The following RTN2 variants were observed in gnomAD, a reference collection of about 807,000 sequenced individuals.
RTN2 encodes the protein reticulon 2.
In RTN2, 36 loss-of-function variants were observed where a neutral mutation model predicts 63.7. The ratio of observed to expected loss-of-function variants is 0.56; its 90% CI spans 0.43 to 0.75. The LOEUF is 0.75. RTN2 is among the 30% of genes least tolerant of loss of function. The probability of loss-of-function intolerance (pLI) is 0.00; values close to 1 mark genes in which losing one functional copy is unlikely to be tolerated. For missense variants in RTN2, 673 were observed against 705.1 expected (o/e 0.95, Z 0.52); for synonymous variants, 312 against 313.0 (o/e 1.00, Z 0.03).
chr19:45,488,702 G>A lies in RTN2; in HGVS notation c.1385C>T (p.Ala462Val), dbSNP rs1968082320. The A allele has an allele frequency of 1.2e-6, 2 of 1,613,242 alleles. No individual in the cohort carries two copies. The highest frequency in any genetic ancestry group is 1.1e-5 in the South Asian group (1 of 90,938). ...GAAGGTCAAGATGTAGAAGAGGAGG[G>A]CCAGCTGGGGGTGAAGGTCAGGGTC... is the stretch of plus-strand genomic sequence containing the variant. ...VEDLVDSLKL[A>V]LLFYILTFVG... Residue 462 changes from alanine to valine, a missense_variant, in exon 8 of 11, where the codon GCC becomes GTC. Transcript: ENST00000245923.
intron 9 of RTN2, among the ~76,000 whole-genome samples, chr19:45,488,193 C>T (rs370231535): frequency 1.3e-5 from 2 of 152,192 alleles, no homozygotes; most frequent in Admixed American, 6.5e-5. Flanking sequence ...ACGGAGGTTG[C>T]AGTGAGCCGA....
chr19:45,496,552 GCAGCGCGCCCCCCGCCTGCTGTCT>G lies in RTN2; in HGVS notation c.34+216_34+239del, dbSNP rs533130334. 2.0e-3 allele frequency: 726 copies of G among 364,170 alleles called. 2 individuals carry two copies. The highest frequency in any genetic ancestry group is 0.014 in the African/African-American group (672 of 47,536). 22.6% of individuals were successfully genotyped at this position (364,170 alleles called of 1,614,324 possible). ...GGGGCCGGGCGGTACGTCCCAGAGCGCAGCGCGCCCCCCGCCTGCTGTCTCAGTGCCCCCTCACCTCCGCCCTGT... is the reference window on the plus strand; with the variant it reads ...GGGGCCGGGCGGTACGTCCCAGAGCGCAGTGCCCCCTCACCTCCGCCCTGT... On this transcript the variant is annotated intron_variant, in intron 1 of 10. Coordinates refer to ENST00000245923, the MANE Select transcript of RTN2 (RefSeq NM_005619.5).
chr19:45,493,441 TC>T, intron 4 of RTN2, 63 bp from the exon 5 acceptor site: 2 of 1,220,990 alleles, frequency 1.6e-6, no homozygotes, highest in Non-Finnish European at 2.4e-6. Flanking sequence ...ATAGATGTGG[TC>T]AGGAAAAAGA....
chr19:45,485,901 C>T, intron 10 of RTN2, 112 bp from the exon 11 acceptor site: 1 of 1,160,286 alleles, frequency 8.6e-7, no homozygotes, highest in Non-Finnish European at 1.3e-6. Flanking sequence ...AAGCCAGCTC[C>T]TGCCCTCCAC....
rs561232438 is a variant in RTN2 at position 45,494,549 on chromosome 19, A to G, written c.536T>C (p.Leu179Ser). ...ACCTTCCCCAGCTTCTCCTGTCTCC[A>G]ATCTGTTGGGTTCTTGGGGTTCTTC... ...EDEEPQEPNR[L>S]ETGEAGEELD... Residue 179 changes from leucine to serine, a missense_variant, in exon 3 of 11, where the codon TTG (leucine) becomes TCG (serine). Leu to Ser is a moderately radical substitution (Grantham distance 145). Coordinates refer to ENST00000245923, the MANE Select transcript of RTN2 (RefSeq NM_005619.5). The surrounding 1 kb of genome is among the most constrained non-coding windows in gnomAD (Gnocchi z 5.3). 1.5e-5 allele frequency: 24 copies of G among 1,613,792 alleles called. No individual in the cohort carries two copies. The South Asian group carries it at 2.3e-4, about 16-fold the overall frequency.
intron 10 of RTN2, 56 bp from the exon 11 acceptor site, chr19:45,485,845 C>A: frequency 7.0e-7 from 1 of 1,422,942 alleles, no homozygotes; most frequent in Non-Finnish European, 9.9e-7. Context: ...GGGTGGGCAT[C>A]TGGGGACAAC....
rs1355446469 is a variant in RTN2 at position 45,494,018 on chromosome 19, A to G, written c.814+148T>C. 1 of 1,296,398 alleles carries G rather than the reference A, an allele frequency of 7.7e-7. No homozygotes were observed. Among genetic ancestry groups the G allele is most frequent in the Non-Finnish European group, 1.1e-6 (1 of 951,628 alleles). 80.3% of individuals were successfully genotyped at this position (1,296,398 alleles called of 1,614,324 possible). A position where few individuals can be genotyped will look rare whatever the true frequency, so the allele number is the denominator to read the frequency against. Reference sequence around the variant, plus strand: ...GAAATTTTTTTAAAAAGCGGAGTTTATCACGTCTAGCCAGATGTGATATCA... The same window carrying G: ...GAAATTTTTTTAAAAAGCGGAGTTTGTCACGTCTAGCCAGATGTGATATCA... On this transcript the variant is annotated intron_variant, in intron 4 of 10. Transcript: ENST00000245923. This position sits in a 1 kb window ranked among gnomAD's most constrained non-coding sequence, Gnocchi z 5.3.
intron 5 of RTN2, 142 bp downstream of exon 5, chr19:45,493,018 C>T (rs1314319484): frequency 3.5e-6 from 3 of 865,554 alleles, no homozygotes; most frequent in South Asian, 1.4e-5. Context: ...CCCTATACTG[C>T]CCCTCGGCCC....
Position 45,494,636 on chromosome 19 carries a change from AC to A in RTN2, c.448del (p.Val150TrpfsTer54). ...CTCCCCGGATCCCGTTCCCCGGGCC[AC>A]CCAGCCCAGATGGTCCAACCGAAGC... Reference protein sequence around the residue: ...LRLRLDHLGWVARGTGSGEDS... With the variant: ...LRLRLDHLGWXARGTGSGEDS... On this transcript the variant is annotated frameshift_variant, in exon 3 of 11. Coordinates refer to ENST00000245923, the MANE Select transcript of RTN2 (RefSeq NM_005619.5). LOFTEE classifies it high-confidence loss of function. The surrounding 1 kb of genome is among the most constrained non-coding windows in gnomAD (Gnocchi z 5.3). 6.2e-7 allele frequency: 1 copy of A among 1,613,844 alleles called. No individual in the cohort carries two copies. The highest frequency in any genetic ancestry group is 8.5e-7 in the Non-Finnish European group (1 of 1,180,006).
chr19:45,490,479 G>C (rs1968130930), intron 5 of RTN2, among the ~76,000 whole-genome samples: 1 of 151,996 alleles, frequency 6.6e-6, no homozygotes, highest in Non-Finnish European at 1.5e-5. Flanking sequence ...CTCCTGGAGT[G>C]ACTATTTCTG....
intron 9 of RTN2, among the ~76,000 whole-genome samples, chr19:45,486,711 CT>C (rs66484630): frequency 0.38 from 48,651 of 126,542 alleles, 9,627 homozygotes; most frequent in East Asian, 0.66. Context: ...TTTTCTTGTT[CT>C]TTTTTTTTTC....
chr19:45,492,979 G>T (rs1342120939), intron 5 of RTN2, among the ~76,000 whole-genome samples, 181 bp downstream of exon 5: 2 of 152,218 alleles, frequency 1.3e-5, no homozygotes, highest in Non-Finnish European at 2.9e-5. Context: ...GCTCGAAGGA[G>T]AAGGGACCCC....
At position 45,487,589 on chromosome 19, in the gene RTN2, T is replaced by G. The variant is rs980195395; in HGVS notation, c.1497+882A>C. 1.7e-4 allele frequency among the ~76,000 whole-genome samples: 25 copies of G among 143,718 alleles called. 1 individual carries two copies. The highest frequency in any genetic ancestry group is 3.4e-3 in the Middle Eastern group (1 of 292). 94.3% of individuals were successfully genotyped at this position (143,718 alleles called of 152,430 possible). ...TTTTATTTTTTATTTTTTGGTTTTT[T>G]TTTTTTTTTTTTTTGAGACAGACTC... is the stretch of plus-strand genomic sequence containing the variant. On this transcript the variant is annotated intron_variant, in intron 9 of 10. Transcript: ENST00000245923.
rs774021825 is a variant in RTN2, at chr19:45,485,406, G to C, written c.*302C>G. The C allele has an allele frequency of 1.9e-4, 78 of 412,678 alleles. No homozygotes were observed. Among genetic ancestry groups the C allele is most frequent in the African/African-American group, 1.4e-3 (71 of 50,470 alleles). 25.6% of individuals were successfully genotyped at this position (412,678 alleles called of 1,614,324 possible). On this transcript the variant is annotated 3_prime_UTR_variant, in exon 11 of 11. Transcript: ENST00000245923. ...CATCCAGGAGACACCAACGCCTCAC[G>C]GCGCCTCCAGCGGCGGGTCCGGAAG...
Position 45,496,990 on chromosome 19 carries a change from GCC to G in RTN2, c.-167_-166del. 1 of 323,708 alleles carries G rather than the reference GCC, an allele frequency of 3.1e-6. No homozygotes were observed. Among genetic ancestry groups the G allele is most frequent in the Non-Finnish European group, 5.3e-6 (1 of 188,316 alleles). The allele number at this position is 323,708 out of a possible 1,614,324, so 20.1% of individuals were successfully genotyped here. A position where few individuals can be genotyped will look rare whatever the true frequency, so the allele number is the denominator to read the frequency against. ...CGCCGCCGCCGCCGCCGCCGCCGCCGCCGCCCTGGTGCTCGGCTCGGCGGGGG... is the reference window on the plus strand; with the variant it reads ...CGCCGCCGCCGCCGCCGCCGCCGCCGGCCCTGGTGCTCGGCTCGGCGGGGG... On this transcript the variant is annotated 5_prime_UTR_variant, in exon 1 of 11. Transcript: ENST00000245923.
intron 9 of RTN2, 47 bp downstream of exon 9, chr19:45,488,424 C>A (rs1025621461): frequency 2.5e-6 from 4 of 1,592,190 alleles, no homozygotes; most frequent in Non-Finnish European, 3.4e-6. Flanking sequence ...GATGGTCAGA[C>A]CCCCATGTTT....
intron 9 of RTN2, among the ~76,000 whole-genome samples, chr19:45,487,936 C>T (rs1456210355): frequency 7.5e-6 from 1 of 132,926 alleles, no homozygotes; most frequent in Admixed American, 8.0e-5. Context: ...GAGCGAGACT[C>T]CATCTCAAAA....
intron 5 of RTN2, among the ~76,000 whole-genome samples, chr19:45,491,710 T>G (rs1247354465): frequency 6.6e-6 from 1 of 151,978 alleles, no homozygotes. Context: ...TTTTTGTATT[T>G]TAGTAGAGAC....
Position 45,494,461 on chromosome 19 carries a change from G to A in RTN2, c.560-41C>T, listed in dbSNP as rs772783579. On this transcript the variant is annotated intron_variant, in intron 3 of 10. Transcript: ENST00000245923. This position sits in a 1 kb window ranked among gnomAD's most constrained non-coding sequence, Gnocchi z 5.3. The stretch of plus-strand genomic sequence containing the variant: ...GAGGAGGCCGTGAGCTTTCTTCTTG[G>A]AGGTGCCCCAAGGAGAAACCACCCA... 1.2e-6 allele frequency: 2 copies of A among 1,603,550 alleles called. No individual in the cohort carries two copies. Among genetic ancestry groups the A allele is most frequent in the African/African-American group, 2.7e-5 (2 of 74,660 alleles).
Sources: gnomAD v4.1 joint callset for allele counts (sites outside exome capture counted in the v4.1 genomes callset) on GRCh38, gnomAD v4.1.1 for gene constraint, Gnocchi (gnomAD v3.1) non-coding constraint, MANE v1.5 for transcripts, NCBI Gene and HGNC (gene_info 2026-07-23, HGNC 2026-07-21) for gene names.